Variants in FLCN observed in about 807,000 individuals in gnomAD.
FLCN encodes folliculin.
Under a neutral mutation model 62.5 loss-of-function variants are expected in FLCN, and 22 were observed. The ratio of observed to expected loss-of-function variants is 0.35; its 90% CI spans 0.25 to 0.50. The LOEUF is 0.50. Among genes scored for constraint, FLCN ranks in the 20% least tolerant of loss-of-function variants. The pLI is 0.97. For missense variants in FLCN, 657 were observed against 778.0 expected (o/e 0.84, Z 1.85); for synonymous variants, 319 against 310.0 (o/e 1.03, Z -0.30).
In FLCN at chr17:17,215,332, G is replaced by A; in HGVS notation, c.1301-16C>T. Reference sequence around the variant, plus strand: ...ACAGCAAACTCTGTAACAACACAAGGCCCGTGGCTCCTCATCTCCCCCATG... The same window carrying A: ...ACAGCAAACTCTGTAACAACACAAGACCCGTGGCTCCTCATCTCCCCCATG... On this transcript the variant is annotated splice_polypyrimidine_tract_variant and intron_variant, in intron 11 of 13. Transcript: ENST00000285071. The A allele has an allele frequency of 6.2e-7, 1 of 1,613,652 alleles. No individual in the cohort carries two copies. The highest frequency in any genetic ancestry group is 1.3e-5 in the African/African-American group (1 of 75,034).
chr17:17,222,681 G>T lies in FLCN; in HGVS notation c.619-20C>A. ...AAACACCTGAAATGCAAAGGGAAGG[G>T]ATGGCCTCTTTAAGCCAAAGCTGCC... On this transcript the variant is annotated intron_variant, in intron 6 of 13. Transcript: ENST00000285071. 3 of 1,614,096 alleles carry T rather than the reference G, an allele frequency of 1.9e-6. No homozygotes were observed. The highest frequency in any genetic ancestry group is 2.5e-6 in the Non-Finnish European group (3 of 1,180,008).
Position 17,216,588 on chromosome 17 carries a change from C to T in FLCN, c.1177-85G>A, listed in dbSNP as rs1318929920. 3.8e-6 allele frequency: 6 copies of T among 1,586,280 alleles called. No individual in the cohort carries two copies. Among genetic ancestry groups the T allele is most frequent in the Admixed American group, 1.7e-5 (1 of 57,680 alleles). On this transcript the variant is annotated intron_variant, in intron 10 of 13. Coordinates refer to ENST00000285071, the MANE Select transcript of FLCN (RefSeq NM_144997.7). This position sits in a 1 kb window ranked among gnomAD's most constrained non-coding sequence, Gnocchi z 4.0. Reference sequence around the variant, plus strand: ...CATGCTCTACTACCCAAACCCCACACGCCTCCTGCAGCCCGGTCCAAGCCC... The same window carrying T: ...CATGCTCTACTACCCAAACCCCACATGCCTCCTGCAGCCCGGTCCAAGCCC...
intron 6 of FLCN, chr17:17,223,100 CT>C (rs998065148): frequency 0.029 from 7,102 of 243,090 alleles, no homozygotes; most frequent in South Asian, 0.054. Context: ...TTTTTCCTTT[CT>C]TTTTTTTTTT....
rs1004677713 is a variant in FLCN, at chr17:17,214,519, G to A, written c.1538+466C>T. On this transcript the variant is annotated intron_variant, in intron 13 of 13. Transcript: ENST00000285071. ...TGAGGCAGAAGAATCGCTTGAACCCGGGAGGCGGAGGTTGTGGTGAGCCAA... is the reference window on the plus strand; with the variant it reads ...TGAGGCAGAAGAATCGCTTGAACCCAGGAGGCGGAGGTTGTGGTGAGCCAA... 3.9e-5 allele frequency among the ~76,000 whole-genome samples: 6 copies of A among 152,076 alleles called. No homozygotes were observed. In the East Asian group the frequency reaches 9.6e-4, roughly 24 times the overall value.
Position 17,216,502 on chromosome 17 carries a change from G to T in FLCN, c.1178C>A (p.Thr393Asn). The T allele has an allele frequency of 6.2e-7, 1 of 1,613,776 alleles. No homozygotes were observed. Among genetic ancestry groups the T allele is most frequent in the East Asian group, 2.2e-5 (1 of 44,870 alleles). The change falls in exon 11 of 14, where the codon ACC (threonine) becomes AAC (asparagine). Residue 393 changes from threonine (T) to asparagine (N), a missense_variant and splice_region_variant. Transcript: ENST00000285071. The surrounding 1 kb of genome is among the most constrained non-coding windows in gnomAD (Gnocchi z 4.0). ...GCGGACGCAGCCCACGGGAAGCATG[G>T]TCTGAGGAGGACAGCAGGACTCAGA... The part of the protein sequence containing the change: ...LVQSAFEVLR[T>N]MLPVGCVRII...
intron 5 of FLCN, 49 bp from the exon 6 acceptor site, chr17:17,224,192 C>G: frequency 6.7e-7 from 1 of 1,500,626 alleles, no homozygotes; most frequent in Non-Finnish European, 9.1e-7. Flanking sequence ...CTTAGTGACA[C>G]CAAATCAAAG....
Position 17,212,475 on chromosome 17 carries a change from TAA to T in FLCN, c.*1178_*1179del, listed in dbSNP as rs397932764. 20 of 76,034 alleles carry T rather than the reference TAA, an allele frequency of 2.6e-4. No homozygotes were observed. The highest frequency in any genetic ancestry group is 8.1e-3 in the Middle Eastern group (1 of 124). The allele number at this position is 76,034 out of a possible 1,614,324, so 4.7% of individuals were successfully genotyped here. A position where few individuals can be genotyped will look rare whatever the true frequency, so the allele number is the denominator to read the frequency against. ...ACGACATAGCAAGATGCCATCTCTT[TAA>T]AAAAAAAAAAAAAAAAAAAAAAAAG... On this transcript the variant is annotated 3_prime_UTR_variant, in exon 14 of 14. Transcript: ENST00000285071.
intron 8 of FLCN, chr17:17,219,490 C>T: frequency 4.2e-6 from 2 of 474,148 alleles, no homozygotes; most frequent in South Asian, 2.3e-5. Context: ...AAGAAAAATG[C>T]CAACAGCGTG....
At position 17,227,704 on chromosome 17, in the gene FLCN, T is replaced by G. The variant is rs55836267; in HGVS notation, c.249+185A>C. Among the ~76,000 whole-genome samples the G allele has an allele frequency of 0.17, 25,943 of 151,802 alleles. 2,316 individuals carry two copies. Among genetic ancestry groups the G allele is most frequent in the Middle Eastern group, 0.26 (75 of 294 alleles). ...CCAGCCTGGGCAATAAGAGCAAAAC[T>G]CTGTCTCAAAAAAAACAAAACAAAA... On this transcript the variant is annotated intron_variant, in intron 4 of 13. Coordinates refer to ENST00000285071, the MANE Select transcript of FLCN (RefSeq NM_144997.7).
intron 8 of FLCN, 161 bp downstream of exon 8, chr17:17,221,376 C>A (rs1567815575): frequency 2.5e-6 from 4 of 1,609,224 alleles, no homozygotes; most frequent in Non-Finnish European, 3.4e-6. Context: ...ACAATCACAA[C>A]AATCACACCG....
At chr17:17,218,818 G>C (rs530906536) in intron 9 of FLCN, among the ~76,000 whole-genome samples, 3 of 152,306 alleles carry the variant, frequency 2.0e-5, no homozygotes, top group African/African-American at 7.2e-5. Flanking sequence ...AAGATACTTA[G>C]GTCATCACTG....
Position 17,213,107 on chromosome 17 carries a change from G to A in FLCN, c.*548C>T. On this transcript the variant is annotated 3_prime_UTR_variant, in exon 14 of 14. Coordinates refer to ENST00000285071, the MANE Select transcript of FLCN (RefSeq NM_144997.7). The stretch of plus-strand genomic sequence containing the variant: ...ACATTTCAGAGGACCAAAAGATGAG[G>A]AAGAGATCCACTTCACTCCCCAAAG... 3.7e-6 allele frequency: 1 copy of A among 268,690 alleles called. No individual in the cohort carries two copies. Among genetic ancestry groups the A allele is most frequent in the Non-Finnish European group, 7.2e-6 (1 of 138,324 alleles). The allele number at this position is 268,690 out of a possible 1,614,324, so 16.6% of individuals were successfully genotyped here.
At chr17:17,231,264 C>T (rs1278786611) in intron 3 of FLCN, among the ~76,000 whole-genome samples, 3 of 152,248 alleles carry the variant, frequency 2.0e-5, no homozygotes, top group Non-Finnish European at 2.9e-5. Context: ...TCTGTCTCAC[C>T]GGCCATGTCC....
At chr17:17,221,742 C>T (rs2047097576) in intron 7 of FLCN, 114 bp from the exon 8 acceptor site, 1 of 1,127,794 alleles carries the variant, frequency 8.9e-7, no homozygotes, top group African/African-American at 1.5e-5. Flanking sequence ...AAAAGAACAC[C>T]AGCAGGGCAC....
At chr17:17,218,317 G>A (rs2046983520) in intron 9 of FLCN, among the ~76,000 whole-genome samples, 3 of 151,526 alleles carry the variant, frequency 2.0e-5, no homozygotes, top group Admixed American at 2.0e-4. Context: ...CCATGGTTTG[G>A]CTACTGTTTA....
Position 17,216,904 on chromosome 17 carries a change from T to C in FLCN, c.1176+165A>G. 1.5e-6 allele frequency: 1 copy of C among 685,148 alleles called. No individual in the cohort carries two copies. Among genetic ancestry groups the C allele is most frequent in the Non-Finnish European group, 2.7e-6 (1 of 376,942 alleles). The allele number at this position is 685,148 out of a possible 1,614,324, so 42.4% of individuals were successfully genotyped here. On this transcript the variant is annotated intron_variant, in intron 10 of 13. Transcript: ENST00000285071. The surrounding 1 kb of genome is among the most constrained non-coding windows in gnomAD (Gnocchi z 4.0). The stretch of plus-strand genomic sequence containing the variant: ...CATCCTTCTGATGATTTAAACATCA[T>C]CAGACCAGACCCGGGTCTCCGTGCC...
intron 8 of FLCN, chr17:17,219,505 C>T (rs1427934784): frequency 2.0e-5 from 8 of 401,954 alleles, no homozygotes; most frequent in East Asian, 9.8e-5. Flanking sequence ...AGCGTGTCTA[C>T]GGAACACACC....
rs138688941 is a variant in FLCN, at chr17:17,226,293, C to T, written c.279G>A (p.Pro93=). 79 of 1,614,016 alleles carry T rather than the reference C, an allele frequency of 4.9e-5. 1 individual carries two copies. The highest frequency in any genetic ancestry group is 5.6e-5 in the Non-Finnish European group (66 of 1,180,034). ...EGCRSLAAGH[P]GYISHDKETS... is the part of the protein sequence containing the mutation. ...TCTCTTTATCATGGCTGATATATCC[C>T]GGGTGCCCTGCAGCAAGTGACCGGC... Residue 93 remains proline (P), a synonymous_variant, in exon 5 of 14, where the codon CCG becomes CCA. Coordinates refer to ENST00000285071, the MANE Select transcript of FLCN (RefSeq NM_144997.7).
chr17:17,225,763 C>A (rs897750515), intron 5 of FLCN: 1 of 319,954 alleles, frequency 3.1e-6, no homozygotes, highest in Non-Finnish European at 6.3e-6. Flanking sequence ...CACCAGTGGT[C>A]CCAGCCACCT....
Sources: gnomAD v4.1 joint callset for allele counts (sites outside exome capture counted in the v4.1 genomes callset) on GRCh38, gnomAD v4.1.1 for gene constraint, Gnocchi (gnomAD v3.1) non-coding constraint, MANE v1.5 for transcripts, NCBI Gene and HGNC (gene_info 2026-07-23, HGNC 2026-07-21) for gene names.